Variants in CHST9 observed in about 807,000 individuals in gnomAD.
The protein encoded by CHST9 is carbohydrate sulfotransferase 9.
In CHST9, 41 loss-of-function variants were observed where a neutral mutation model predicts 44.4. That is an observed-to-expected ratio of 0.92 (90% CI 0.72 to 1.20). The LOEUF is 1.20. CHST9 is among the 50% of genes most tolerant of loss of function. CHST9 has a pLI of 0.00. For missense variants in CHST9, 504 were observed against 516.5 expected (o/e 0.98, Z 0.23); for synonymous variants, 171 against 178.4 (o/e 0.96, Z 0.33).
intron 1 of CHST9, among the ~76,000 whole-genome samples, chr18:27,160,622 C>G (rs999571765): frequency 2.0e-5 from 3 of 152,160 alleles, no homozygotes; most frequent in African/African-American, 7.2e-5. Context: ...ATGCTGGCCA[C>G]ATAAAATGAG....
At chr18:27,156,901 A>G (rs1358850988) in intron 1 of CHST9, among the ~76,000 whole-genome samples, 1 of 152,120 alleles carries the variant, frequency 6.6e-6, no homozygotes, top group African/African-American at 2.4e-5. Flanking sequence ...GCATTGCTCA[A>G]TATTAAACAG....
intron 4 of CHST9, among the ~76,000 whole-genome samples, chr18:27,006,593 G>A (rs1240599253): frequency 2.6e-5 from 4 of 152,128 alleles, no homozygotes; most frequent in African/African-American, 9.7e-5. Context: ...TGGAACAATC[G>A]TTTGTTTCTA....
chr18:27,053,140 G>T, intron 2 of CHST9, among the ~76,000 whole-genome samples: 1 of 103,874 alleles, frequency 9.6e-6, no homozygotes, highest in East Asian at 2.6e-4. Context: ...GGAAGAAGAA[G>T]AAGAAGAAGA....
intron 1 of CHST9, among the ~76,000 whole-genome samples, chr18:27,177,218 G>A (rs1001544789): frequency 4.6e-5 from 7 of 151,770 alleles, no homozygotes; most frequent in Middle Eastern, 3.2e-3. Flanking sequence ...TTGAGAAATC[G>A]ATCTTTTGGG....
rs573088895 is a variant in CHST9 at position 27,063,686 on chromosome 18, T to A, written c.122-15183A>T. 2.2e-4 allele frequency among the ~76,000 whole-genome samples: 34 copies of A among 152,354 alleles called. No homozygotes were observed. In the East Asian group the frequency reaches 4.4e-3, roughly 20 times the overall value. ...ATGTAAGTTTTTCCTTCCATAAAAT[T>A]ATCTGAACTGGCTGCTTACATAGCC... On this transcript the variant is annotated intron_variant, in intron 2 of 5. Coordinates refer to ENST00000618847, the MANE Select transcript of CHST9 (RefSeq NM_031422.6).
At chr18:27,122,809 T>C (rs1390922492) in intron 2 of CHST9, among the ~76,000 whole-genome samples, 4 of 152,028 alleles carry the variant, frequency 2.6e-5, no homozygotes, top group South Asian at 2.1e-4. Flanking sequence ...AAGAAACACA[T>C]ATGAACCTAA....
intron 5 of CHST9, among the ~76,000 whole-genome samples, chr18:26,924,177 T>A (rs994917324): frequency 2.0e-5 from 3 of 152,146 alleles, no homozygotes; most frequent in African/African-American, 7.2e-5. Flanking sequence ...TGATTGTCCA[T>A]CAGGAATCCT....
At chr18:27,075,755 G>A (rs914530667) in intron 2 of CHST9, among the ~76,000 whole-genome samples, 7 of 152,024 alleles carry the variant, frequency 4.6e-5, no homozygotes, top group Admixed American at 1.3e-4. Flanking sequence ...CACTCTTCTC[G>A]TATGTACTGT....
intron 4 of CHST9, among the ~76,000 whole-genome samples, chr18:27,009,409 G>A (rs1484241749): frequency 6.6e-6 from 1 of 152,144 alleles, no homozygotes; most frequent in Non-Finnish European, 1.5e-5. Flanking sequence ...ATTGCTTAAT[G>A]AATGCTGGAT....
At chr18:27,049,536 T>A (rs1568149130) in intron 2 of CHST9, among the ~76,000 whole-genome samples, 1 of 152,010 alleles carries the variant, frequency 6.6e-6, no homozygotes, top group Non-Finnish European at 1.5e-5. Context: ...AAAAGAGATA[T>A]AGCCATACAA....
intron 3 of CHST9, 100 bp from the exon 4 acceptor site, chr18:27,024,257 T>C: frequency 2.2e-6 from 2 of 905,932 alleles, no homozygotes; most frequent in Non-Finnish European, 3.3e-6. Flanking sequence ...TCATATTTTA[T>C]TTGTAACAAG....
At chr18:26,919,526 T>C (rs1031532331) in intron 5 of CHST9, among the ~76,000 whole-genome samples, 1 of 152,210 alleles carries the variant, frequency 6.6e-6, no homozygotes, top group Non-Finnish European at 1.5e-5. Context: ...CTATAAATAA[T>C]AACTACTATT....
intron 3 of CHST9, among the ~76,000 whole-genome samples, chr18:27,024,882 T>C (rs1333089992): frequency 6.6e-6 from 1 of 152,086 alleles, no homozygotes; most frequent in Non-Finnish European, 1.5e-5. Context: ...CCAGATGAAG[T>C]TGGCCTACTG....
intron 2 of CHST9, among the ~76,000 whole-genome samples, chr18:27,132,704 ATGAGGCCCCTC>A (rs1340522570): frequency 2.6e-5 from 4 of 152,334 alleles, no homozygotes; most frequent in Admixed American, 6.5e-5. Flanking sequence ...GGGGTCCATT[ATGAGGCCCCTC>A]TGAAATTCAG....
At chr18:26,999,653 C>G (rs1468901552) in intron 4 of CHST9, among the ~76,000 whole-genome samples, 1 of 152,004 alleles carries the variant, frequency 6.6e-6, no homozygotes, top group Non-Finnish European at 1.5e-5. Context: ...AAGAATTTCA[C>G]TATATTATAT....
intron 4 of CHST9, among the ~76,000 whole-genome samples, chr18:26,949,510 C>T (rs187900260): frequency 1.3e-5 from 2 of 151,092 alleles, no homozygotes; most frequent in African/African-American, 4.9e-5. Flanking sequence ...GAGACCCTGT[C>T]TGAAAATAAA....
chr18:27,163,289 G>A (rs541248530), intron 1 of CHST9, among the ~76,000 whole-genome samples: 5 of 152,312 alleles, frequency 3.3e-5, no homozygotes, highest in Middle Eastern at 3.4e-3. Flanking sequence ...CAGTCTGTCC[G>A]TTCTCAGATC....
intron 1 of CHST9, among the ~76,000 whole-genome samples, chr18:27,159,703 A>T (rs531841879): frequency 1.6e-4 from 25 of 152,274 alleles, no homozygotes; most frequent in Admixed American, 4.6e-4. Context: ...CTTGGGCAGT[A>T]TGGCCTTCTT....
chr18:26,986,068 G>T (rs2056751576), intron 4 of CHST9, among the ~76,000 whole-genome samples: 1 of 151,918 alleles, frequency 6.6e-6, no homozygotes, highest in Admixed American at 6.6e-5. Context: ...AACAAAGTCT[G>T]GTATTCAATC....
Sources: allele counts gnomAD v4.1 joint callset (sites outside exome capture counted in the v4.1 genomes callset), GRCh38; gene constraint gnomAD v4.1.1; transcripts MANE v1.5; gene names NCBI Gene and HGNC (gene_info 2026-07-23, HGNC 2026-07-21).